The following OSBPL2 variants were observed in gnomAD, a reference collection of about 807,000 sequenced individuals.
OSBPL2 encodes oxysterol-binding protein-related protein 2.
A neutral mutation model predicts 58.4 loss-of-function variants in OSBPL2; 18 were observed. The ratio of observed to expected loss-of-function variants is 0.31; its 90% CI spans 0.21 to 0.46. The LOEUF is 0.46. Among genes scored for constraint, OSBPL2 ranks in the 20% least tolerant of loss-of-function variants. The pLI, the probability that OSBPL2 is intolerant of heterozygous loss-of-function variation, is 1.00. For missense variants in OSBPL2, 461 were observed against 616.5 expected (o/e 0.75, Z 2.67); for synonymous variants, 221 against 234.1 (o/e 0.94, Z 0.51).
At chr20:62,247,859 T>G (rs963963595) in intron 1 of OSBPL2, among the ~76,000 whole-genome samples, 30 of 152,070 alleles carry the variant, frequency 2.0e-4, no homozygotes, top group African/African-American at 6.7e-4. Context: ...GAGATGGAGT[T>G]TCACCATATT....
In OSBPL2 at chr20:62,281,139, T is replaced by C. The variant is rs1187075906; in HGVS notation, c.756T>C (p.Tyr252=). 1 of 1,612,710 alleles carries C rather than the reference T, an allele frequency of 6.2e-7. No individual in the cohort carries two copies. Among genetic ancestry groups the C allele is most frequent in the African/African-American group, 1.3e-5 (1 of 74,898 alleles). The change falls in exon 8 of 14, where the codon TAT becomes TAC. Residue 252 remains tyrosine (Y), a synonymous_variant. Coordinates refer to ENST00000313733, the MANE Select transcript of OSBPL2 (RefSeq NM_144498.4). The part of the protein sequence containing the change: ...VIIGKLWIEQ[Y]GTVEILNHRT... Reference sequence around the variant, plus strand: ...TCGGGAAGCTGTGGATAGAGCAGTATGGGACAGTGGAGATTTTAAACCACA... The same window carrying C: ...TCGGGAAGCTGTGGATAGAGCAGTACGGGACAGTGGAGATTTTAAACCACA...
rs567337532 is a variant in OSBPL2, at chr20:62,295,998, A to G, written c.*2111A>G. On this transcript the variant is annotated 3_prime_UTR_variant, in exon 14 of 14. Coordinates refer to ENST00000313733, the MANE Select transcript of OSBPL2 (RefSeq NM_144498.4). This position sits in a 1 kb window ranked among gnomAD's most constrained non-coding sequence, Gnocchi z 4.8. ...TGTCCTTGAGGACAGACACCAAACC[A>G]GAGGTGGAGGAAGAACGGTAGGAAG... The G allele has an allele frequency of 1.3e-5, 2 of 152,362 alleles. No individual in the cohort carries two copies. Among genetic ancestry groups the G allele is most frequent in the African/African-American group, 4.8e-5 (2 of 41,576 alleles). 9.4% of individuals were successfully genotyped at this position (152,362 alleles called of 1,614,324 possible). A position where few individuals can be genotyped will look rare whatever the true frequency, so the allele number is the denominator to read the frequency against.
rs150025747 is a variant in OSBPL2, at chr20:62,278,203, C to T, written c.492-954C>T. 1,293 of 182,026 alleles carry T rather than the reference C, an allele frequency of 7.1e-3. 11 individuals are homozygous for T. Among genetic ancestry groups the T allele is most frequent in the Non-Finnish European group, 0.01 (880 of 84,108 alleles). 11.3% of individuals were successfully genotyped at this position (182,026 alleles called of 1,614,324 possible). ...CATGTGTGTGTGTGTCTGTTGCCAGCGTTAGGCCAAGTGCGATGTCATGTT... is the reference window on the plus strand; with the variant it reads ...CATGTGTGTGTGTGTCTGTTGCCAGTGTTAGGCCAAGTGCGATGTCATGTT... On this transcript the variant is annotated intron_variant, in intron 6 of 13. Coordinates refer to ENST00000313733, the MANE Select transcript of OSBPL2 (RefSeq NM_144498.4).
At chr20:62,284,846 ATCT>A (rs1983012756) in intron 10 of OSBPL2, 1 of 152,210 alleles carries the variant, frequency 6.6e-6, no homozygotes, top group Non-Finnish European at 1.5e-5. Context: ...TTCTTAATAA[ATCT>A]TCTCGCTTTC....
intron 1 of OSBPL2, among the ~76,000 whole-genome samples, chr20:62,246,808 G>GTCCATGAT (rs1980148865): frequency 6.6e-6 from 1 of 152,222 alleles, no homozygotes; most frequent in African/African-American, 2.4e-5. Flanking sequence ...TTGTCTTGCT[G>GTCCATGAT]TCCATGATTT....
chr20:62,247,635 G>A (rs1980214392), intron 1 of OSBPL2, among the ~76,000 whole-genome samples: 1 of 151,736 alleles, frequency 6.6e-6, no homozygotes, highest in South Asian at 2.1e-4. Context: ...TGGAAGTAGT[G>A]TTGGATGGGG....
intron 5 of OSBPL2, 100 bp downstream of exon 5, chr20:62,272,359 G>A (rs889462016): frequency 6.2e-6 from 8 of 1,300,774 alleles, no homozygotes; most frequent in East Asian, 2.3e-5. Context: ...GTGAGGACTC[G>A]CACAGCTCCC....
chr20:62,252,916 A>T (rs1980657943), intron 1 of OSBPL2, among the ~76,000 whole-genome samples: 1 of 152,226 alleles, frequency 6.6e-6, no homozygotes, highest in Non-Finnish European at 1.5e-5. Flanking sequence ...GCCGTGAGGG[A>T]TCCACTCCCA....
Position 62,266,821 on chromosome 20 carries a change from A to G in OSBPL2, c.258+3130A>G, listed in dbSNP as rs1479443464. On this transcript the variant is annotated intron_variant, in intron 4 of 13. Transcript: ENST00000313733. The stretch of plus-strand genomic sequence containing the variant: ...GAAAATAACTTTAGAAAGTCATTTA[A>G]TATCATCAGATACTCAATCTATGTT... Among the ~76,000 whole-genome samples the G allele has an allele frequency of 3.3e-5, 5 of 152,336 alleles. No individual in the cohort carries two copies. In the East Asian group the frequency reaches 7.7e-4, roughly 23 times the overall value.
At chr20:62,241,615 G>A (rs530770874) in intron 1 of OSBPL2, among the ~76,000 whole-genome samples, 1 of 152,374 alleles carries the variant, frequency 6.6e-6, no homozygotes, top group East Asian at 1.9e-4. Context: ...CGAAGGTGGT[G>A]CGCCAGACCA....
At chr20:62,283,985 T>C (rs1474958288) in intron 9 of OSBPL2, 61 bp from the exon 10 acceptor site, 1 of 1,525,482 alleles carries the variant, frequency 6.6e-7, no homozygotes, top group Non-Finnish European at 9.0e-7. Context: ...GGGTGCCACA[T>C]GTTTAGACAA....
intron 12 of OSBPL2, among the ~76,000 whole-genome samples, chr20:62,290,183 C>T (rs1391615091): frequency 2.0e-5 from 3 of 152,168 alleles, no homozygotes; most frequent in Admixed American, 6.5e-5. Flanking sequence ...CGCAGTGAAA[C>T]TCCTGGCTGA....
intron 1 of OSBPL2, among the ~76,000 whole-genome samples, chr20:62,243,396 C>T (rs548642041): frequency 6.6e-6 from 1 of 152,296 alleles, no homozygotes; most frequent in South Asian, 2.1e-4. Context: ...GGAGGGGTCC[C>T]AGTGCAGAGG....
intron 1 of OSBPL2, among the ~76,000 whole-genome samples, chr20:62,241,801 A>G (rs1979756407): frequency 6.6e-6 from 1 of 152,262 alleles, no homozygotes. Context: ...TCAGCAGTGC[A>G]GCAGTCACAC....
intron 12 of OSBPL2, 159 bp from the exon 13 acceptor site, chr20:62,291,544 G>T: frequency 1.4e-6 from 1 of 709,356 alleles, no homozygotes. Flanking sequence ...CTGTGGCCTC[G>T]GCAACTGTGA....
chr20:62,263,736 C>T, intron 4 of OSBPL2, 45 bp downstream of exon 4: 1 of 1,537,620 alleles, frequency 6.5e-7, no homozygotes, highest in Non-Finnish European at 9.0e-7. Context: ...GCACCACTGA[C>T]TCCTGGGAAG....
At chr20:62,259,866 C>T (rs991489080) in intron 2 of OSBPL2, 115 bp from the exon 3 acceptor site, 13 of 899,258 alleles carry the variant, frequency 1.4e-5, no homozygotes, top group Admixed American at 4.5e-5. Context: ...CAAATGTGTC[C>T]GTTCACACAA....
At chr20:62,253,494 G>A (rs1004880027) in intron 1 of OSBPL2, among the ~76,000 whole-genome samples, 2 of 152,116 alleles carry the variant, frequency 1.3e-5, no homozygotes, top group East Asian at 1.9e-4. Flanking sequence ...TGAGTCATTC[G>A]GTGAGAGCCC....
chr20:62,240,250 C>T (rs113038114), intron 1 of OSBPL2, among the ~76,000 whole-genome samples: 11,610 of 152,160 alleles, frequency 0.076, 558 homozygotes, highest in South Asian at 0.17. Flanking sequence ...GTCGGTGGCA[C>T]TTCCTCCCTG....
Sources: allele counts gnomAD v4.1 joint callset (sites outside exome capture counted in the v4.1 genomes callset), GRCh38; gene constraint gnomAD v4.1.1; non-coding constraint Gnocchi (gnomAD v3.1); transcripts MANE v1.5; gene names NCBI Gene and HGNC (gene_info 2026-07-23, HGNC 2026-07-21).